RNF145: variants seen among roughly 807,000 people sequenced by gnomAD.
RNF145 encodes the protein ring finger protein 145.
RNF145 carries 12 observed loss-of-function variants against 57.3 expected under a neutral mutation model. The ratio of observed to expected loss-of-function variants is 0.21; its 90% confidence interval spans 0.13 to 0.34. The LOEUF (loss-of-function observed/expected upper bound fraction) is 0.34, where lower values mean the gene tolerates loss of function less well. Ranked by LOEUF, RNF145 falls within the 10% of genes least tolerant of loss-of-function variation. The pLI is 1.00. For synonymous variants in RNF145, 262 were observed against 288.3 expected (o/e 0.91, Z 0.92); for missense variants, 429 against 799.0 (o/e 0.54, Z 5.58).
At chr5:159,180,049 A>G (rs752824337) in intron 4 of RNF145, among the ~76,000 whole-genome samples, 20 of 151,884 alleles carry the variant, frequency 1.3e-4, no homozygotes, top group Non-Finnish European at 2.8e-4. Context: ...CTCTTTTTTG[A>G]CCTAGCACTT....
At chr5:159,193,938 A>C (rs977849161) in intron 3 of RNF145, among the ~76,000 whole-genome samples, 16 of 152,348 alleles carry the variant, frequency 1.1e-4, no homozygotes, top group African/African-American at 2.9e-4. Context: ...TTATACCTCC[A>C]AAATATATTC....
At chr5:159,179,171 C>T (rs1414909266) in intron 4 of RNF145, among the ~76,000 whole-genome samples, 2 of 152,012 alleles carry the variant, frequency 1.3e-5, no homozygotes, top group Non-Finnish European at 2.9e-5. Flanking sequence ...GGGTTACAGG[C>T]TCCCTTTATC....
Position 159,161,393 on chromosome 5 carries a change from A to T in RNF145, c.1499T>A (p.Leu500His). 6.2e-7 allele frequency: 1 copy of T among 1,614,200 alleles called. No homozygotes were observed. The highest frequency in any genetic ancestry group is 8.5e-7 in the Non-Finnish European group (1 of 1,180,026). The change falls in exon 10 of 11, where the codon CTT (leucine) becomes CAT (histidine). Residue 500 changes from leucine (L) to histidine (H), a missense_variant. Around this residue, in one of 4 missense-constraint regions of RNF145, gnomAD observed 216 missense variants for 457.6 expected, o/e 0.47. Coordinates refer to ENST00000424310, the MANE Select transcript of RNF145 (RefSeq NM_001199383.2). ...GCTCTTCCACCCCAGCTGGGCCCGAAGCCACACGTTATAGTAGGAATGAAT... is the reference window on the plus strand; with the variant it reads ...GCTCTTCCACCCCAGCTGGGCCCGATGCCACACGTTATAGTAGGAATGAAT... ...IFIHSYYNVW[L>H]RAQLGWKSFL...
At chr5:159,208,047 G>A in intron 1 of RNF145, 2 of 1,514,032 alleles carry the variant, frequency 1.3e-6, no homozygotes, top group Non-Finnish European at 1.8e-6. Context: ...CCTCTTTACT[G>A]CAGACTGCGA....
intron 10 of RNF145, among the ~76,000 whole-genome samples, chr5:159,159,350 G>A (rs763984751): frequency 6.6e-6 from 1 of 152,190 alleles, no homozygotes; most frequent in Non-Finnish European, 1.5e-5. Flanking sequence ...GTTGCAGTAT[G>A]ATTACTGGGT....
At chr5:159,170,761 A>C (rs1460226801) in intron 6 of RNF145, among the ~76,000 whole-genome samples, 1 of 152,112 alleles carries the variant, frequency 6.6e-6, no homozygotes, top group Non-Finnish European at 1.5e-5. Flanking sequence ...CGCCTGGCTA[A>C]TTTATTCTTT....
chr5:159,180,231 G>T (rs949147010), intron 4 of RNF145, among the ~76,000 whole-genome samples: 21 of 152,068 alleles, frequency 1.4e-4, no homozygotes, highest in Non-Finnish European at 2.8e-4. Flanking sequence ...CCTTTTATGG[G>T]TTCTTCTGAA....
At chr5:159,208,613 C>A (rs1785986975) in intron 1 of RNF145, among the ~76,000 whole-genome samples, 1 of 152,072 alleles carries the variant, frequency 6.6e-6, no homozygotes. Context: ...CCCTTCCGCA[C>A]CCCCAAACAA....
Position 159,167,003 on chromosome 5 carries a change from C to G in RNF145, c.1121+1870G>C, listed in dbSNP as rs375154745. Among the ~76,000 whole-genome samples, 20 of 152,186 alleles carry G rather than the reference C, an allele frequency of 1.3e-4. No homozygotes were observed. The East Asian group carries it at 3.1e-3, about 24-fold the overall frequency. ...AATAAATAAAATAGGGATAACTGTT[C>G]TTTGGAATTTGGTAGAACTTGCCTG... On this transcript the variant is annotated intron_variant, in intron 8 of 10. Coordinates refer to ENST00000424310, the MANE Select transcript of RNF145 (RefSeq NM_001199383.2).
chr5:159,196,310 A>ATC lies in RNF145; in HGVS notation c.185-1487_185-1486insGA, dbSNP rs756378722. On this transcript the variant is annotated intron_variant, in intron 2 of 10. Coordinates refer to ENST00000424310, the MANE Select transcript of RNF145 (RefSeq NM_001199383.2). Reference sequence around the variant, plus strand: ...ATTTTATGTGTGGCCCAAGACAATTATTTTCCTAATGTGGTCCAGGGAAGC... The same window carrying ATC: ...ATTTTATGTGTGGCCCAAGACAATTATCTTTTCCTAATGTGGTCCAGGGAAGC... Among the ~76,000 whole-genome samples, 71 of 149,070 alleles carry ATC rather than the reference A, an allele frequency of 4.8e-4. 1 individual carries two copies. The highest frequency in any genetic ancestry group is 3.6e-3 in the Middle Eastern group (1 of 280).
chr5:159,167,902 T>C (rs1032861131), intron 8 of RNF145, among the ~76,000 whole-genome samples: 13 of 152,188 alleles, frequency 8.5e-5, no homozygotes, highest in African/African-American at 3.1e-4. Context: ...ATTTGGAATG[T>C]TTTAGAAATC....
intron 9 of RNF145, among the ~76,000 whole-genome samples, chr5:159,162,528 G>A (rs925877009): frequency 2.0e-5 from 3 of 148,748 alleles, no homozygotes; most frequent in East Asian, 2.0e-4. Context: ...TCCGCTTCCC[G>A]GGTTTACGCC....
intron 1 of RNF145, among the ~76,000 whole-genome samples, chr5:159,206,404 C>A (rs1213617392): frequency 6.6e-6 from 1 of 152,180 alleles, no homozygotes; most frequent in Non-Finnish European, 1.5e-5. Context: ...TTGAACCCTT[C>A]TAAAGTAAAA....
At chr5:159,191,619 C>T (rs1785292335) in intron 3 of RNF145, among the ~76,000 whole-genome samples, 1 of 152,208 alleles carries the variant, frequency 6.6e-6, no homozygotes, top group Admixed American at 6.5e-5. Flanking sequence ...GGTAAAACCC[C>T]ATCTCTACTA....
At chr5:159,200,824 TCAG>T (rs1490255557) in intron 2 of RNF145, among the ~76,000 whole-genome samples, 1 of 152,194 alleles carries the variant, frequency 6.6e-6, no homozygotes, top group Non-Finnish European at 1.5e-5. Flanking sequence ...CTGACAACTC[TCAG>T]AAGAGAAAAT....
chr5:159,209,574 C>A, upstream of RNF145: 1 of 1,013,722 alleles, frequency 9.9e-7, no homozygotes, highest in Non-Finnish European at 1.2e-6. Flanking sequence ...GCCCGACTTC[C>A]GCACTCTGCG....
intron 3 of RNF145, among the ~76,000 whole-genome samples, chr5:159,183,741 T>A (rs1784970731): frequency 1.3e-5 from 2 of 152,138 alleles, no homozygotes; most frequent in Non-Finnish European, 2.9e-5. Flanking sequence ...TCATAGCATA[T>A]CTCTCTCCAA....
chr5:159,182,968 A>G (rs1396448958), intron 3 of RNF145, among the ~76,000 whole-genome samples: 1 of 152,178 alleles, frequency 6.6e-6, no homozygotes, highest in African/African-American at 2.4e-5. Flanking sequence ...CCATGAAATG[A>G]CTTCCCATTA....
At chr5:159,184,969 G>A (rs1295834808) in intron 3 of RNF145, among the ~76,000 whole-genome samples, 1 of 152,138 alleles carries the variant, frequency 6.6e-6, no homozygotes, top group East Asian at 1.9e-4. Context: ...CTGATGTTAA[G>A]TGGTTTCCTC....
Sources: allele counts gnomAD v4.1 joint callset (sites outside exome capture counted in the v4.1 genomes callset), GRCh38; gene constraint gnomAD v4.1.1; regional missense constraint gnomAD v4.1.1; transcripts MANE v1.5; gene names NCBI Gene and HGNC (gene_info 2026-07-23, HGNC 2026-07-21).